NAE1: variants seen among roughly 807,000 people sequenced by gnomAD.
NAE1 encodes NEDD8 activating enzyme E1 subunit 1.
A neutral mutation model predicts 88.0 loss-of-function variants in NAE1; 59 were observed. The observed-to-expected ratio is 0.67, with a 90% CI of 0.54 to 0.83. The LOEUF (loss-of-function observed/expected upper bound fraction) is 0.83, where lower values mean the gene tolerates loss of function less well. Ranked by LOEUF, NAE1 falls within the 40% of genes least tolerant of loss-of-function variation. The pLI is 0.00. For synonymous variants in NAE1, 186 were observed against 208.9 expected, an observed-to-expected ratio of 0.89 and a Z score of 0.95; for missense variants, 554 against 632.8, an observed-to-expected ratio of 0.88 and a Z score of 1.34.
At chr16:66,821,141 A>G (rs529003659) in intron 7 of NAE1, among the ~76,000 whole-genome samples, 6 of 152,306 alleles carry the variant, frequency 3.9e-5, no homozygotes, top group African/African-American at 1.4e-4. Context: ...CACATTCCTT[A>G]GCTCTCCACA....
At chr16:66,817,297 C>A in intron 9 of NAE1, 128 bp downstream of exon 9, 3 of 869,388 alleles carry the variant, frequency 3.5e-6, no homozygotes, top group Non-Finnish European at 5.4e-6. Flanking sequence ...AATTTAAAAG[C>A]ATCCATTTGC....
chr16:66,810,314 A>ACATT, intron 15 of NAE1, 60 bp downstream of exon 15: 1 of 1,349,236 alleles, frequency 7.4e-7, no homozygotes, highest in Non-Finnish European at 1.1e-6. Flanking sequence ...ATACCTGGGA[A>ACATT]CATTCCCTGT....
chr16:66,814,997 C>A (rs560961527), intron 11 of NAE1, among the ~76,000 whole-genome samples: 1 of 152,298 alleles, frequency 6.6e-6, no homozygotes, highest in South Asian at 2.1e-4. Flanking sequence ...GCTCTTCCAC[C>A]AGACCTCTGC....
chr16:66,829,779 A>ACTAC (rs1341951485), intron 1 of NAE1, among the ~76,000 whole-genome samples: 1 of 152,250 alleles, frequency 6.6e-6, no homozygotes, highest in African/African-American at 2.4e-5. Flanking sequence ...TTAGGCCTGC[A>ACTAC]CTGTCCATTA....
intron 7 of NAE1, among the ~76,000 whole-genome samples, chr16:66,821,231 G>C (rs375458700): frequency 1.3e-5 from 2 of 152,198 alleles, no homozygotes; most frequent in East Asian, 1.9e-4. Flanking sequence ...ATAAGATGAA[G>C]AAGCTGTGCC....
intron 8 of NAE1, 36 bp downstream of exon 8, chr16:66,818,492 T>C (rs1189745025): frequency 6.6e-7 from 1 of 1,523,568 alleles, no homozygotes; most frequent in South Asian, 1.2e-5. Context: ...ATGTTTTAAG[T>C]CTATCTGTAA....
chr16:66,823,625 T>A, intron 4 of NAE1, 25 bp from the exon 5 acceptor site: 3 of 1,576,212 alleles, frequency 1.9e-6, no homozygotes, highest in Non-Finnish European at 1.7e-6. Context: ...AGCATTTAAC[T>A]TGAATTAGAA....
At position 66,813,785 on chromosome 16, in the gene NAE1, A is replaced by T; in HGVS notation, c.900+2T>A. On this transcript the variant is annotated splice_donor_variant, in intron 12 of 19. Coordinates refer to ENST00000290810, the MANE Select transcript of NAE1 (RefSeq NM_003905.4). LOFTEE classifies it high-confidence loss of function. ...CAATGTTTTTACTTTTGTTGTTGTT[A>T]CCTGTTTGGTGATATTTATGCAGCG... The T allele has an allele frequency of 6.2e-7, 1 of 1,613,668 alleles. No individual in the cohort carries two copies. Among genetic ancestry groups the T allele is most frequent in the Non-Finnish European group, 8.5e-7 (1 of 1,179,758 alleles).
chr16:66,816,941 G>C, intron 10 of NAE1, 24 bp downstream of exon 10: 2 of 1,581,356 alleles, frequency 1.3e-6, no homozygotes, highest in South Asian at 1.2e-5. Context: ...GCTTTATACA[G>C]TATTTAATCA....
intron 14 of NAE1, 32 bp from the exon 15 acceptor site, chr16:66,810,445 G>GT: frequency 6.4e-7 from 1 of 1,569,072 alleles, no homozygotes; most frequent in Non-Finnish European, 8.7e-7. Flanking sequence ...TTCTGTTCCA[G>GT]TTTAAAAGAG....
chr16:66,813,465 TG>T, intron 13 of NAE1, 98 bp downstream of exon 13: 1 of 1,370,186 alleles, frequency 7.3e-7, no homozygotes, highest in Non-Finnish European at 9.9e-7. Flanking sequence ...GCAATGAGGT[TG>T]TAATAAACTT....
At chr16:66,816,817 A>C in intron 10 of NAE1, 145 bp from the exon 11 acceptor site, 1 of 1,326,554 alleles carries the variant, frequency 7.5e-7, no homozygotes, top group Admixed American at 2.8e-5. Context: ...AAACTATACA[A>C]GGCGTGGCTT....
At chr16:66,815,775 C>A (rs1181460838) in intron 11 of NAE1, among the ~76,000 whole-genome samples, 3 of 151,884 alleles carry the variant, frequency 2.0e-5, no homozygotes, top group African/African-American at 7.3e-5. Context: ...GGTTCTCCTG[C>A]CTCAGCCTCC....
At chr16:66,815,385 A>T (rs187300414) in intron 11 of NAE1, among the ~76,000 whole-genome samples, 1 of 152,194 alleles carries the variant, frequency 6.6e-6, no homozygotes. Flanking sequence ...ACAGGGTCTC[A>T]TATCATTGCC....
intron 1 of NAE1, among the ~76,000 whole-genome samples, chr16:66,830,444 A>C (rs1960645550): frequency 6.6e-6 from 1 of 152,220 alleles, no homozygotes; most frequent in Admixed American, 6.5e-5. Flanking sequence ...GGCTCACATG[A>C]GACTAGCATT....
chr16:66,806,154 G>A (rs1959553365), intron 17 of NAE1, 128 bp from the exon 18 acceptor site: 27 of 1,107,608 alleles, frequency 2.4e-5, no homozygotes, highest in Non-Finnish European at 3.1e-5. Context: ...AAATAACAAA[G>A]TATGAGACCA....
intron 11 of NAE1, among the ~76,000 whole-genome samples, chr16:66,814,120 T>C (rs1197281650): frequency 6.6e-6 from 1 of 152,170 alleles, no homozygotes; most frequent in Non-Finnish European, 1.5e-5. Context: ...CAGTAAATTA[T>C]TTTATATAGT....
chr16:66,809,954 A>G (rs1959722062), intron 15 of NAE1, among the ~76,000 whole-genome samples: 1 of 152,234 alleles, frequency 6.6e-6, no homozygotes, highest in Admixed American at 6.5e-5. Flanking sequence ...ACTAGATGGC[A>G]AAATTCTTAA....
In NAE1 at chr16:66,809,083, G is replaced by A. The variant is rs1427582016; in HGVS notation, c.1151-8C>T. On this transcript the variant is annotated splice_polypyrimidine_tract_variant and splice_region_variant and intron_variant, in intron 15 of 19. Coordinates refer to ENST00000290810, the MANE Select transcript of NAE1 (RefSeq NM_003905.4). ...GAAATGCAGAATTGCTGCCTGAACA[G>A]AGGAAAGATATTCTGGAAGTAATGA... 1.2e-6 allele frequency: 2 copies of A among 1,600,982 alleles called. No individual in the cohort carries two copies. The highest frequency in any genetic ancestry group is 1.7e-5 in the Admixed American group (1 of 58,982).
Sources: gnomAD v4.1 joint callset for allele counts (sites outside exome capture counted in the v4.1 genomes callset) on GRCh38, gnomAD v4.1.1 for gene constraint, MANE v1.5 for transcripts, NCBI Gene and HGNC (gene_info 2026-07-23, HGNC 2026-07-21) for gene names.